Variants in RBFOX3 observed in about 807,000 individuals in gnomAD.
RBFOX3 encodes RNA binding fox-1 homolog 3, also known as RNA binding protein fox-1 homolog 3.
In RBFOX3, 17 loss-of-function variants were observed where a neutral mutation model predicts 48.7. The ratio of observed to expected loss-of-function variants is 0.35; its 90% CI spans 0.24 to 0.52. RBFOX3 has a LOEUF of 0.52. Among genes scored for constraint, RBFOX3 ranks in the 20% least tolerant of loss-of-function variants. The pLI, the probability that RBFOX3 is intolerant of heterozygous loss-of-function variation, is 0.94. For missense variants in RBFOX3, 382 were observed against 497.5 expected (o/e 0.77, Z 2.21); for synonymous variants, 212 against 209.5 (o/e 1.01, Z -0.10).
At chr17:79,524,443 A>G (rs2086533743) in intron 1 of RBFOX3, among the ~76,000 whole-genome samples, 1 of 152,112 alleles carries the variant, frequency 6.6e-6, no homozygotes, top group Non-Finnish European at 1.5e-5. Flanking sequence ...AAACACCCAC[A>G]CCAAAACACA....
At chr17:79,384,876 T>C (rs1366254316) in intron 2 of RBFOX3, among the ~76,000 whole-genome samples, 2 of 152,226 alleles carry the variant, frequency 1.3e-5, no homozygotes, top group East Asian at 3.8e-4. Flanking sequence ...TTCCGGGGGA[T>C]GTTTCAGTGG....
chr17:79,655,771 G>A, the RBFOX3 span, among the ~76,000 whole-genome samples: 1 of 152,152 alleles, frequency 6.6e-6, no homozygotes, highest in Non-Finnish European at 1.5e-5. Context: ...GTCCAAATCT[G>A]ACCTCAAAAT....
chr17:79,095,533 C>G lies in RBFOX3; in HGVS notation c.978G>C (p.Ala326=), dbSNP rs780865169. 1.1e-5 allele frequency: 17 copies of G among 1,551,258 alleles called. No individual in the cohort carries two copies. Among genetic ancestry groups the G allele is most frequent in the Non-Finnish European group, 4.4e-6 (5 of 1,146,782 alleles). The change falls in exon 13 of 15, where the codon GCG becomes GCC. Residue 326 remains alanine (A), a synonymous_variant. Coordinates refer to ENST00000693108, the MANE Select transcript of RBFOX3 (RefSeq NM_001350451.2). ...AAYRYAQPAA[A]AAAYSDSYGR... ...CTCACCTGTCGCTGTAGGCTGCCGC[C>G]GCTGCAGCGGGCTGAGCGTATCTGT...
chr17:79,617,610 C>T, the RBFOX3 span, among the ~76,000 whole-genome samples: 1 of 152,222 alleles, frequency 6.6e-6, no homozygotes, highest in Non-Finnish European at 1.5e-5. Context: ...CCCGAGGTTG[C>T]ACGTCAGCAT....
chr17:79,585,327 G>A (rs1301036977), intron 1 of RBFOX3, among the ~76,000 whole-genome samples: 3 of 152,010 alleles, frequency 2.0e-5, no homozygotes, highest in East Asian at 2.0e-4. Flanking sequence ...AGGCTGAGGC[G>A]GGTGCATCAC....
At chr17:79,613,617 G>A (rs1195731219), upstream of RBFOX3, among the ~76,000 whole-genome samples, 6 of 152,330 alleles carry the variant, frequency 3.9e-5, no homozygotes, top group African/African-American at 7.2e-5. Context: ...CCAACAGGAC[G>A]ACTGAAGGCA....
rs890515874 is a variant in RBFOX3 at position 79,580,672 on chromosome 17, T to C, written c.-320+30154A>G. 8.3e-4 allele frequency among the ~76,000 whole-genome samples: 127 copies of C among 152,254 alleles called. 4 individuals carry two copies. In the South Asian group the frequency reaches 0.018, roughly 22 times the overall value. ...TTTTGCTCATGCTATGTTCCTATCATGGGTCCGTCTTGCTCCTCATACAAG... is the reference window on the plus strand; with the variant it reads ...TTTTGCTCATGCTATGTTCCTATCACGGGTCCGTCTTGCTCCTCATACAAG... On this transcript the variant is annotated intron_variant, in intron 1 of 14. Coordinates refer to ENST00000693108, the MANE Select transcript of RBFOX3 (RefSeq NM_001350451.2).
intron 1 of RBFOX3, among the ~76,000 whole-genome samples, chr17:79,498,736 C>T (rs565584863): frequency 6.6e-6 from 1 of 150,864 alleles, no homozygotes; most frequent in East Asian, 2.0e-4. Flanking sequence ...CCCATCTACC[C>T]ATTCAGCCAT....
intron 4 of RBFOX3, among the ~76,000 whole-genome samples, chr17:79,219,891 C>G (rs1277872313): frequency 6.6e-6 from 1 of 151,950 alleles, no homozygotes; most frequent in African/African-American, 2.4e-5. Context: ...TAGTGTATCC[C>G]CTGCCGGGTA....
At chr17:79,227,381 G>A (rs992594256) in intron 4 of RBFOX3, among the ~76,000 whole-genome samples, 1 of 152,198 alleles carries the variant, frequency 6.6e-6, no homozygotes, top group Non-Finnish European at 1.5e-5. Context: ...TGTCCCCATG[G>A]ATGTCAGAAA....
intron 2 of RBFOX3, among the ~76,000 whole-genome samples, chr17:79,474,426 G>A (rs1415559693): frequency 1.3e-5 from 2 of 152,182 alleles, no homozygotes; most frequent in East Asian, 1.9e-4. Context: ...CCTGGAACAC[G>A]AGGACTAACC....
chr17:79,311,878 C>T lies in RBFOX3; in HGVS notation c.-174-4054G>A, dbSNP rs2076903606. On this transcript the variant is annotated intron_variant, in intron 2 of 14. Coordinates refer to ENST00000693108, the MANE Select transcript of RBFOX3 (RefSeq NM_001350451.2). This position sits in a 1 kb window ranked among gnomAD's most constrained non-coding sequence, Gnocchi z 4.2. ...GGACAGCATTCTCACGAACCTGGAA[C>T]AAACCGGCCCTCCTGAATGTAAGGT... Among the ~76,000 whole-genome samples the T allele has an allele frequency of 6.6e-6, 1 of 152,150 alleles. No individual in the cohort carries two copies. The highest frequency in any genetic ancestry group is 2.1e-4 in the South Asian group (1 of 4,824).
At chr17:79,296,289 G>T (rs1014838345) in intron 3 of RBFOX3, among the ~76,000 whole-genome samples, 2 of 146,358 alleles carry the variant, frequency 1.4e-5, no homozygotes, top group Admixed American at 6.8e-5. Context: ...GGCACAAACA[G>T]ACACACACAC....
At chr17:79,107,870 C>T (rs915592562) in intron 5 of RBFOX3, among the ~76,000 whole-genome samples, 1 of 152,178 alleles carries the variant, frequency 6.6e-6, no homozygotes, top group African/African-American at 2.4e-5. Context: ...CCCTCGGTGG[C>T]GACAGGCACA....
At chr17:79,250,023 A>G (rs939582625) in intron 3 of RBFOX3, among the ~76,000 whole-genome samples, 2 of 152,182 alleles carry the variant, frequency 1.3e-5, no homozygotes, top group African/African-American at 4.8e-5. Context: ...CCTGGTGGTA[A>G]GGAGTTCCTT....
chr17:79,435,670 T>C (rs1402113490), intron 2 of RBFOX3, among the ~76,000 whole-genome samples: 1 of 152,188 alleles, frequency 6.6e-6, no homozygotes. Flanking sequence ...CCCTGGGCCC[T>C]CCAGCCCTGT....
chr17:79,147,275 C>G (rs530734507), intron 4 of RBFOX3, among the ~76,000 whole-genome samples: 1 of 152,264 alleles, frequency 6.6e-6, no homozygotes, highest in Non-Finnish European at 1.5e-5. Flanking sequence ...CAGTGCCCAC[C>G]TCTGCAGGTG....
intron 4 of RBFOX3, among the ~76,000 whole-genome samples, chr17:79,189,047 C>T (rs898411622): frequency 1.9e-4 from 29 of 152,370 alleles, no homozygotes; most frequent in Non-Finnish European, 3.8e-4. Context: ...TGATTTCTGT[C>T]TCTCATCTGA....
chr17:79,526,915 G>T, intron 1 of RBFOX3, among the ~76,000 whole-genome samples: 1 of 152,238 alleles, frequency 6.6e-6, no homozygotes, highest in East Asian at 1.9e-4. Flanking sequence ...TAGCTCTGCA[G>T]CCAGCCACGC....
Sources: gnomAD v4.1 joint callset for allele counts (sites outside exome capture counted in the v4.1 genomes callset) on GRCh38, gnomAD v4.1.1 for gene constraint, Gnocchi (gnomAD v3.1) non-coding constraint, MANE v1.5 for transcripts, NCBI Gene and HGNC (gene_info 2026-07-23, HGNC 2026-07-21) for gene names.